METTL4: variants seen among roughly 807,000 people sequenced by gnomAD.
METTL4 encodes methyltransferase 4, N6-adenosine, also known as N(6)-adenine-specific methyltransferase METTL4.
A neutral mutation model predicts 54.0 loss-of-function variants in METTL4; 40 were observed. The ratio of observed to expected loss-of-function variants is 0.74; its 90% CI spans 0.58 to 0.96. The LOEUF is 0.96. Ranked by LOEUF, METTL4 falls within the 50% of genes least tolerant of loss-of-function variation. The pLI, the probability that METTL4 is intolerant of heterozygous loss-of-function variation, is 0.00. For missense variants in METTL4, 525 were observed against 549.0 expected (o/e 0.96, Z 0.44); for synonymous variants, 169 against 183.8 (o/e 0.92, Z 0.65).
At chr18:2,559,764 GTCTC>G in intron 3 of METTL4, among the ~76,000 whole-genome samples, 1 of 152,170 alleles carries the variant, frequency 6.6e-6, no homozygotes, top group East Asian at 1.9e-4. Context: ...TCGAGAGGGA[GTCTC>G]TCTGTCACCC....
In METTL4 at chr18:2,543,657, T is replaced by C. The variant is rs191480884; in HGVS notation, c.1273+538A>G. On this transcript the variant is annotated intron_variant, in intron 8 of 8. Coordinates refer to ENST00000574538, the MANE Select transcript of METTL4 (RefSeq NM_022840.5). ...AAATTCCCCACTATTCCCTGCTGCA[T>C]AGTTTCATTGAATGATAAACATTAT... Among the ~76,000 whole-genome samples the C allele has an allele frequency of 1.4e-3, 211 of 152,320 alleles. 1 individual carries two copies. Among genetic ancestry groups the C allele is most frequent in the Non-Finnish European group, 6.0e-4 (41 of 68,004 alleles).
rs1419198356 is a variant in METTL4 at position 2,571,352 on chromosome 18, G to A, written c.-642C>T. 6.6e-6 allele frequency: 1 copy of A among 152,272 alleles called. No homozygotes were observed. Among genetic ancestry groups the A allele is most frequent in the African/African-American group, 2.4e-5 (1 of 41,458 alleles). The allele number at this position is 152,272 out of a possible 1,614,324, so 9.4% of individuals were successfully genotyped here. On this transcript the variant is annotated 5_prime_UTR_variant, in exon 1 of 9. Coordinates refer to ENST00000574538, the MANE Select transcript of METTL4 (RefSeq NM_022840.5). The stretch of plus-strand genomic sequence containing the variant: ...AGTTGAGCGTTCAGGGCACTCCTCG[G>A]CGCTCAAGCTGCCCACAGGTCTTCC...
At chr18:2,557,799 C>G (rs1460196065) in intron 3 of METTL4, among the ~76,000 whole-genome samples, 1 of 152,138 alleles carries the variant, frequency 6.6e-6, no homozygotes, top group Admixed American at 6.5e-5. Context: ...ATCCTTTGTC[C>G]CTGACCTAGG....
Position 2,538,717 on chromosome 18 carries a change from G to A in METTL4, c.*283C>T. 1 of 349,814 alleles carries A rather than the reference G, an allele frequency of 2.9e-6. No homozygotes were observed. Among genetic ancestry groups the A allele is most frequent in the Non-Finnish European group, 5.2e-6 (1 of 191,628 alleles). The allele number at this position is 349,814 out of a possible 1,614,324, so 21.7% of individuals were successfully genotyped here. On this transcript the variant is annotated 3_prime_UTR_variant, in exon 9 of 9. Coordinates refer to ENST00000574538, the MANE Select transcript of METTL4 (RefSeq NM_022840.5). ...AGGATTAAGACCTCTGGTCCACGGT[G>A]TATGTTTTCTGAACTTTTTCAATAG...
At chr18:2,559,153 A>G (rs1044005503) in intron 3 of METTL4, among the ~76,000 whole-genome samples, 62 of 152,352 alleles carry the variant, frequency 4.1e-4, no homozygotes, top group Non-Finnish European at 8.2e-4. Flanking sequence ...ACTGGAATAG[A>G]TATTTGTACA....
At chr18:2,542,890 G>T (rs1398277882) in intron 8 of METTL4, among the ~76,000 whole-genome samples, 1 of 152,072 alleles carries the variant, frequency 6.6e-6, no homozygotes, top group Non-Finnish European at 1.5e-5. Context: ...CACTTTGGGA[G>T]GCCGAGGCGG....
chr18:2,563,893 T>C, intron 2 of METTL4, 34 bp from the exon 3 acceptor site: 1 of 1,517,008 alleles, frequency 6.6e-7, no homozygotes, highest in South Asian at 1.2e-5. Flanking sequence ...GGAAAAGTTA[T>C]GTTGCCATTA....
At chr18:2,555,223 T>C (rs981884002) in intron 3 of METTL4, 185 bp from the exon 4 acceptor site, 1 of 609,650 alleles carries the variant, frequency 1.6e-6, no homozygotes, top group African/African-American at 1.9e-5. Context: ...AACTGCAGAG[T>C]GAAACAACCC....
chr18:2,543,128 A>T (rs1244021606), intron 8 of METTL4, among the ~76,000 whole-genome samples: 1 of 151,726 alleles, frequency 6.6e-6, no homozygotes, highest in Non-Finnish European at 1.5e-5. Context: ...AAAAAAAAAA[A>T]AAAATTAAAA....
intron 8 of METTL4, 111 bp from the exon 9 acceptor site, chr18:2,539,256 A>G: frequency 2.3e-6 from 2 of 879,656 alleles, no homozygotes; most frequent in Non-Finnish European, 3.5e-6. Flanking sequence ...CTTAAAAGAC[A>G]GCAAATTAAT....
chr18:2,561,301 A>G (rs1033223417), intron 3 of METTL4: 3 of 152,244 alleles, frequency 2.0e-5, no homozygotes, highest in African/African-American at 7.2e-5. Context: ...CTACTATTTG[A>G]AAGAGTTCTA....
chr18:2,539,897 AAAT>A (rs1255276001), intron 8 of METTL4: 5 of 951,258 alleles, frequency 5.3e-6, no homozygotes, highest in Non-Finnish European at 6.3e-6. Context: ...AACTTTAATA[AAAT>A]AATAATAAAT....
At chr18:2,539,345 T>C (rs1045176276) in intron 8 of METTL4, among the ~76,000 whole-genome samples, 200 bp from the exon 9 acceptor site, 2 of 152,166 alleles carry the variant, frequency 1.3e-5, no homozygotes, top group Non-Finnish European at 2.9e-5. Context: ...CTGGGAACAA[T>C]ATCATCTGAA....
chr18:2,541,135 T>C (rs2071987975), intron 8 of METTL4, among the ~76,000 whole-genome samples: 1 of 152,214 alleles, frequency 6.6e-6, no homozygotes, highest in African/African-American at 2.4e-5. Flanking sequence ...AATATTAAGT[T>C]GTGTTTTTAT....
rs780828996 is a variant in METTL4, at chr18:2,539,099, C to T, written c.1320G>A (p.Leu440=). ...YIKPDGEYLE[L]FARNLQPGWT... is the part of the protein sequence containing the mutation. ...AACCTGGCTGTAAATTTCGAGCAAA[C>T]AACTCCAAATATTCCCCATCTGGCT... Residue 440 remains leucine, a synonymous_variant, in exon 9 of 9, where the codon TTG becomes TTA. Coordinates refer to ENST00000574538, the MANE Select transcript of METTL4 (RefSeq NM_022840.5). 1.9e-6 allele frequency: 3 copies of T among 1,613,928 alleles called. No homozygotes were observed. Among genetic ancestry groups the T allele is most frequent in the Non-Finnish European group, 2.5e-6 (3 of 1,179,884 alleles).
At chr18:2,544,383 G>T in intron 7 of METTL4, 97 bp from the exon 8 acceptor site, 1 of 820,372 alleles carries the variant, frequency 1.2e-6, no homozygotes, top group South Asian at 2.0e-5. Flanking sequence ...TTCTGTATCT[G>T]ATTTTAACAC....
chr18:2,541,622 C>T (rs2071993411), intron 8 of METTL4, among the ~76,000 whole-genome samples: 1 of 152,072 alleles, frequency 6.6e-6, no homozygotes, highest in African/African-American at 2.4e-5. Flanking sequence ...TAAACCATAG[C>T]TATTGATAGC....
chr18:2,545,104 T>G (rs2072051978), intron 6 of METTL4, among the ~76,000 whole-genome samples: 1 of 152,100 alleles, frequency 6.6e-6, no homozygotes, highest in African/African-American at 2.4e-5. Flanking sequence ...TACATTTCAG[T>G]TTGGACTAGC....
intron 2 of METTL4, among the ~76,000 whole-genome samples, chr18:2,564,288 G>A (rs572047349): frequency 5.3e-5 from 8 of 151,308 alleles, no homozygotes; most frequent in Non-Finnish European, 8.8e-5. Context: ...GCAGGCGCCT[G>A]TAGTCCCAGC....
Sources: allele counts gnomAD v4.1 joint callset (sites outside exome capture counted in the v4.1 genomes callset), GRCh38; gene constraint gnomAD v4.1.1; transcripts MANE v1.5; gene names NCBI Gene and HGNC (gene_info 2026-07-23, HGNC 2026-07-21).